TRAPPC12: variants seen among roughly 807,000 people sequenced by gnomAD.
TRAPPC12 encodes trafficking protein particle complex subunit 12.
In TRAPPC12, 61 loss-of-function variants were observed where a neutral mutation model predicts 69.2. The ratio of observed to expected loss-of-function variants is 0.88; its 90% CI spans 0.72 to 1.09. The LOEUF (loss-of-function observed/expected upper bound fraction) is 1.09. Among genes scored for constraint, TRAPPC12 ranks in the 50% least tolerant of loss-of-function variants. The pLI, the probability that TRAPPC12 is intolerant of heterozygous loss-of-function variation, is 0.00. For missense variants in TRAPPC12, 1,101 were observed against 1,016.4 expected, an observed-to-expected ratio of 1.08 and a Z score of -1.13; for synonymous variants, 469 against 438.9, an observed-to-expected ratio of 1.07 and a Z score of -0.86.
intron 7 of TRAPPC12, among the ~76,000 whole-genome samples, chr2:3,459,061 A>G (rs922963262): frequency 2.4e-4 from 37 of 152,362 alleles, no homozygotes; most frequent in Admixed American, 2.2e-3. Context: ...CCTGAAGCAC[A>G]CCGTAAATGC....
chr2:3,434,519 CT>C (rs1353318290), intron 5 of TRAPPC12, among the ~76,000 whole-genome samples: 1 of 152,258 alleles, frequency 6.6e-6, no homozygotes, highest in East Asian at 1.9e-4. Flanking sequence ...TCAGTCTTCA[CT>C]TTGCTCCAGC....
intron 9 of TRAPPC12, among the ~76,000 whole-genome samples, chr2:3,475,883 C>CA (rs1666271771): frequency 6.6e-6 from 1 of 152,224 alleles, no homozygotes. Context: ...TGCTTGTAAG[C>CA]GCTTGCCACG....
At chr2:3,426,911 C>T (rs1663135963) in intron 5 of TRAPPC12, among the ~76,000 whole-genome samples, 1 of 152,216 alleles carries the variant, frequency 6.6e-6, no homozygotes, top group Non-Finnish European at 1.5e-5. Flanking sequence ...TGTAAATTAA[C>T]TGGGCTCCCT....
At chr2:3,460,417 A>G in intron 8 of TRAPPC12, 81 bp downstream of exon 8, 2 of 790,334 alleles carry the variant, frequency 2.5e-6, no homozygotes, top group Non-Finnish European at 4.4e-6. Flanking sequence ...CGCTGGTATA[A>G]TAGATGCTGG....
intron 1 of TRAPPC12, among the ~76,000 whole-genome samples, chr2:3,384,803 C>T (rs1172561607): frequency 6.6e-6 from 1 of 152,074 alleles, no homozygotes; most frequent in Non-Finnish European, 1.5e-5. Context: ...TTTTTCTTCT[C>T]TGCAAGAATT....
chr2:3,421,719 C>T, intron 3 of TRAPPC12, 162 bp from the exon 4 acceptor site: 1 of 729,412 alleles, frequency 1.4e-6, no homozygotes, highest in Non-Finnish European at 2.5e-6. Context: ...ATGGCATGCC[C>T]CTCCGTGCCG....
At chr2:3,477,556 AT>A in intron 9 of TRAPPC12, 138 bp from the exon 10 acceptor site, 1 of 500,948 alleles carries the variant, frequency 2.0e-6, no homozygotes, top group East Asian at 3.2e-5. Flanking sequence ...TTAAAAAATG[AT>A]TAAATGGTTA....
At chr2:3,448,062 A>T (rs571198255) in intron 6 of TRAPPC12, among the ~76,000 whole-genome samples, 1 of 152,352 alleles carries the variant, frequency 6.6e-6, no homozygotes, top group South Asian at 2.1e-4. Flanking sequence ...TCACGTGTTA[A>T]CGCTGCATGG....
At chr2:3,445,925 C>T (rs1051197113) in intron 6 of TRAPPC12, among the ~76,000 whole-genome samples, 3 of 152,228 alleles carry the variant, frequency 2.0e-5, no homozygotes, top group Non-Finnish European at 4.4e-5. Context: ...GAGATGGGCT[C>T]GAGCCTGTGC....
chr2:3,441,373 G>A (rs376066805), intron 5 of TRAPPC12, among the ~76,000 whole-genome samples: 1 of 152,022 alleles, frequency 6.6e-6, no homozygotes, highest in Non-Finnish European at 1.5e-5. Context: ...CAAATGTATG[G>A]ACATAGAGCT....
At chr2:3,384,651 T>C (rs1660413049) in intron 1 of TRAPPC12, among the ~76,000 whole-genome samples, 1 of 152,242 alleles carries the variant, frequency 6.6e-6, no homozygotes, top group Non-Finnish European at 1.5e-5. Context: ...AATAAATACA[T>C]TGCTGATTCA....
chr2:3,458,265 G>C, intron 7 of TRAPPC12: 1 of 987,040 alleles, frequency 1.0e-6, no homozygotes, highest in Non-Finnish European at 1.2e-6. Flanking sequence ...CGTTAGCCAG[G>C]AGCAAGCTTC....
chr2:3,380,726 T>TA (rs1372142709), intron 1 of TRAPPC12, among the ~76,000 whole-genome samples: 2 of 152,242 alleles, frequency 1.3e-5, no homozygotes, highest in Non-Finnish European at 2.9e-5. Flanking sequence ...CATTTTGTGA[T>TA]ATCTGATGGG....
At chr2:3,389,566 C>G (rs1274520824) in intron 2 of TRAPPC12, 2 of 433,346 alleles carry the variant, frequency 4.6e-6, no homozygotes, top group East Asian at 1.4e-4. Context: ...GCACACAGCT[C>G]TTTTCGACCC....
chr2:3,457,570 G>C (rs981747858), intron 6 of TRAPPC12, 51 bp from the exon 7 acceptor site: 1 of 1,505,170 alleles, frequency 6.6e-7, no homozygotes, highest in Non-Finnish European at 9.2e-7. Context: ...CAAAGTCTTA[G>C]ACAAAAATTG....
rs1666359733 is a variant in TRAPPC12 at position 3,477,779 on chromosome 2, A to G, written c.1861A>G (p.Met621Val). The G allele has an allele frequency of 1.9e-6, 3 of 1,591,012 alleles. No individual in the cohort carries two copies. The African/African-American group carries it at 4.1e-5, about 22-fold the overall frequency. The stretch of plus-strand genomic sequence containing the variant: ...ATTAGATGGACTACAGGGTAAAATC[A>G]TGGTTTTGATGAACAGGTAAATATT... ...QKLDGLQGKI[M>V]VLMNSAFLHL... Residue 621 changes from methionine (M) to valine (V), a missense_variant, in exon 10 of 12, where the codon ATG (methionine) becomes GTG (valine). Met to Val is a conservative substitution (Grantham distance 21, BLOSUM62 1). Coordinates refer to ENST00000324266, the MANE Select transcript of TRAPPC12 (RefSeq NM_016030.6).
Position 3,394,195 on chromosome 2 carries a change from TG to T in TRAPPC12, c.1047+5527del, listed in dbSNP as rs1660986371. ...AGTATTCCTTTTATGATACGTCATC[TG>T]GAAGACAGTGTGTCCACTCACATCC... On this transcript the variant is annotated intron_variant, in intron 2 of 11. Transcript: ENST00000324266. Among the ~76,000 whole-genome samples, 3 of 152,350 alleles carry T rather than the reference TG, an allele frequency of 2.0e-5. No homozygotes were observed. In the East Asian group the frequency reaches 5.8e-4, roughly 29 times the overall value.
chr2:3,475,351 G>C (rs147689919), intron 9 of TRAPPC12, among the ~76,000 whole-genome samples: 1 of 151,870 alleles, frequency 6.6e-6, no homozygotes, highest in Non-Finnish European at 1.5e-5. Flanking sequence ...GAAATTCAGC[G>C]ATCCTCCCAC....
At chr2:3,395,870 T>C (rs1254443924) in intron 2 of TRAPPC12, among the ~76,000 whole-genome samples, 1 of 152,086 alleles carries the variant, frequency 6.6e-6, no homozygotes, top group African/African-American at 2.4e-5. Flanking sequence ...GCTGGGATTA[T>C]AGGCATGTGC....
Sources: gnomAD v4.1 joint callset for allele counts (sites outside exome capture counted in the v4.1 genomes callset) on GRCh38, gnomAD v4.1.1 for gene constraint, MANE v1.5 for transcripts, NCBI Gene and HGNC (gene_info 2026-07-23, HGNC 2026-07-21) for gene names.